CLMP: variants seen among roughly 807,000 people sequenced by gnomAD.
CLMP encodes CXADR-like membrane protein.
Under a neutral mutation model 45.2 loss-of-function variants are expected in CLMP, and 27 were observed. The ratio of observed to expected loss-of-function variants is 0.60; its 90% CI spans 0.44 to 0.82. The LOEUF (loss-of-function observed/expected upper bound fraction) is 0.82, where lower values mean the gene tolerates loss of function less well. Ranked by LOEUF, CLMP falls within the 40% of genes least tolerant of loss-of-function variation. CLMP has a pLI of 0.00. For missense variants in CLMP, 403 were observed against 448.4 expected (o/e 0.90, Z 0.91); for synonymous variants, 167 against 171.4 (o/e 0.97, Z 0.20).
chr11:123,188,058 A>G (rs1861856056), intron 1 of CLMP, among the ~76,000 whole-genome samples: 1 of 152,172 alleles, frequency 6.6e-6, no homozygotes, highest in South Asian at 2.1e-4. Context: ...CTTTCCTCCA[A>G]AATAGCCTCC....
intron 1 of CLMP, among the ~76,000 whole-genome samples, chr11:123,103,070 A>C (rs1005720815): frequency 2.0e-5 from 3 of 152,182 alleles, no homozygotes; most frequent in Non-Finnish European, 4.4e-5. Flanking sequence ...CAGGGGTAAA[A>C]GAGACAGCCC....
chr11:123,101,676 T>C (rs1007067408), intron 1 of CLMP, among the ~76,000 whole-genome samples: 1 of 152,232 alleles, frequency 6.6e-6, no homozygotes, highest in Admixed American at 6.5e-5. Flanking sequence ...TAACCCTCCC[T>C]GGATCTTCCC....
intron 1 of CLMP, among the ~76,000 whole-genome samples, chr11:123,173,732 C>T (rs969065033): frequency 6.6e-6 from 1 of 152,100 alleles, no homozygotes; most frequent in Non-Finnish European, 1.5e-5. Flanking sequence ...GATCACAGAG[C>T]TGATAAATAA....
At chr11:123,149,396 C>T (rs539024597) in intron 1 of CLMP, among the ~76,000 whole-genome samples, 2 of 152,288 alleles carry the variant, frequency 1.3e-5, no homozygotes, top group South Asian at 2.1e-4. Flanking sequence ...TCTGAAAATC[C>T]AGGGATTTCT....
intron 1 of CLMP, among the ~76,000 whole-genome samples, chr11:123,144,435 A>C (rs1210624333): frequency 1.3e-5 from 2 of 152,182 alleles, no homozygotes; most frequent in Non-Finnish European, 2.9e-5. Context: ...GCAATGGTGC[A>C]ATCTCGGCTC....
intron 6 of CLMP, 37 bp downstream of exon 6, chr11:123,074,665 C>T: frequency 2.5e-6 from 4 of 1,606,296 alleles, no homozygotes; most frequent in Non-Finnish European, 3.4e-6. Flanking sequence ...GGCCCTAAAA[C>T]AGAAGCCCCG....
intron 1 of CLMP, among the ~76,000 whole-genome samples, chr11:123,172,055 T>A (rs942949914): frequency 6.6e-6 from 1 of 152,196 alleles, no homozygotes; most frequent in Non-Finnish European, 1.5e-5. Context: ...TATGAGCATT[T>A]ATCCAAGTCA....
rs1386427545 is a variant in CLMP, at chr11:123,136,299, G to GTCT, written c.29-38350_29-38348dup. On this transcript the variant is annotated intron_variant, in intron 1 of 6. Coordinates refer to ENST00000448775, the MANE Select transcript of CLMP (RefSeq NM_024769.5). Reference sequence around the variant, plus strand: ...CCAAACACTGGATTCCACCACTGGTGTCTTCGCGCATACTCAGTTAAATCC... The same window carrying GTCT: ...CCAAACACTGGATTCCACCACTGGTGTCTTCTTCGCGCATACTCAGTTAAATCC... The GTCT allele has an allele frequency of 7.8e-6, 5 of 641,938 alleles. No individual in the cohort carries two copies. In the Admixed American group the frequency reaches 9.6e-5, roughly 12 times the overall value. 39.8% of individuals were successfully genotyped at this position (641,938 alleles called of 1,614,324 possible). A position where few individuals can be genotyped will look rare whatever the true frequency, so the allele number is the denominator to read the frequency against.
intron 1 of CLMP, among the ~76,000 whole-genome samples, chr11:123,173,226 G>T (rs1481230299): frequency 2.6e-5 from 4 of 152,262 alleles, no homozygotes; most frequent in African/African-American, 9.6e-5. Context: ...GCCAGCTGCA[G>T]TGCTGATATG....
intron 1 of CLMP, chr11:123,191,478 C>T (rs562333416): frequency 9.8e-5 from 15 of 152,326 alleles, no homozygotes; most frequent in East Asian, 9.6e-4. Flanking sequence ...GCTCCTTCCC[C>T]GTGCTGGCAG....
At chr11:123,175,855 G>A (rs573160288) in intron 1 of CLMP, among the ~76,000 whole-genome samples, 34 of 152,294 alleles carry the variant, frequency 2.2e-4, no homozygotes, top group East Asian at 7.7e-4. Flanking sequence ...TTTGCATCAG[G>A]TGGAAACTTG....
intron 1 of CLMP, among the ~76,000 whole-genome samples, chr11:123,139,534 G>T (rs1009016845): frequency 2.0e-5 from 3 of 152,288 alleles, no homozygotes; most frequent in African/African-American, 7.2e-5. Flanking sequence ...TTCTAAAATG[G>T]ATGGTAGAAG....
At chr11:123,096,286 G>A (rs538518887) in intron 2 of CLMP, among the ~76,000 whole-genome samples, 1 of 152,232 alleles carries the variant, frequency 6.6e-6, no homozygotes, top group Admixed American at 6.5e-5. Flanking sequence ...CCCAGGAGGC[G>A]GAGGTGGCAG....
At chr11:123,103,822 G>A (rs1860491736) in intron 1 of CLMP, among the ~76,000 whole-genome samples, 1 of 148,808 alleles carries the variant, frequency 6.7e-6, no homozygotes, top group Admixed American at 6.9e-5. Flanking sequence ...GAGGGGCCTG[G>A]GTTCTGTCTC....
intron 1 of CLMP, among the ~76,000 whole-genome samples, chr11:123,106,382 GGTGTGTGTGTGTGTGT>G (rs539659160): frequency 8.9e-5 from 12 of 135,292 alleles, no homozygotes; most frequent in South Asian, 4.8e-4. Flanking sequence ...TTCTGTAGGA[GGTGTGTGTGTGTGTGT>G]GTGTGTGTGT....
intron 1 of CLMP, among the ~76,000 whole-genome samples, chr11:123,191,164 T>C (rs1337465101): frequency 6.6e-6 from 1 of 152,216 alleles, no homozygotes; most frequent in East Asian, 1.9e-4. Flanking sequence ...GAACGATTGA[T>C]TTAAACAGTC....
chr11:123,074,264 T>C (rs912632904), intron 6 of CLMP, among the ~76,000 whole-genome samples: 7 of 150,204 alleles, frequency 4.7e-5, no homozygotes, highest in African/African-American at 1.7e-4. Context: ...AGTCTTAAAC[T>C]CCTGGGCTAA....
intron 2 of CLMP, among the ~76,000 whole-genome samples, chr11:123,095,682 A>C (rs1865980522): frequency 6.6e-6 from 1 of 152,164 alleles, no homozygotes; most frequent in South Asian, 2.1e-4. Context: ...GTACAAGGGG[A>C]GTTTACAACC....
chr11:123,181,818 T>A (rs1326594245), intron 1 of CLMP, among the ~76,000 whole-genome samples: 2 of 152,218 alleles, frequency 1.3e-5, no homozygotes, highest in African/African-American at 4.8e-5. Context: ...TTTCTTGTTG[T>A]CTGGGTGGGA....
Sources: gnomAD v4.1 joint callset for allele counts (sites outside exome capture counted in the v4.1 genomes callset) on GRCh38, gnomAD v4.1.1 for gene constraint, MANE v1.5 for transcripts, NCBI Gene and HGNC (gene_info 2026-07-23, HGNC 2026-07-21) for gene names.